The following RBM26 variants were observed in gnomAD, a reference collection of about 807,000 sequenced individuals.
RBM26 encodes RNA binding motif protein 26, also known as RNA-binding protein 26.
A neutral mutation model predicts 123.6 loss-of-function variants in RBM26; 30 were observed. That is an observed-to-expected ratio of 0.24 (90% CI 0.18 to 0.33). RBM26 has a LOEUF of 0.33. Ranked by LOEUF, RBM26 falls within the 10% of genes least tolerant of loss-of-function variation. The pLI is 1.00. For synonymous variants in RBM26, 400 were observed against 404.4 expected (o/e 0.99, Z 0.13); for missense variants, 947 against 1,203.6 (o/e 0.79, Z 3.15).
chr13:79,355,289 G>C lies in RBM26; in HGVS notation c.1785C>G (p.Asn595Lys). Residue 595 changes from asparagine (N) to lysine (K), a missense_variant, in exon 12 of 22, where the codon AAC becomes AAG. By Grantham distance (94) the Asn-to-Lys change is moderately conservative. Around this residue, in one of 5 missense-constraint regions of RBM26, gnomAD observed 493 missense variants for 563.1 expected, o/e 0.88. Transcript: ENST00000438737. Reference sequence around the variant, plus strand: ...GCCAATAAACCTTAATAAAGCGATTGTTTAATACTGCTTCCGTACTTGATA... The same window carrying C: ...GCCAATAAACCTTAATAAAGCGATTCTTTAATACTGCTTCCGTACTTGATA... ...KAISSTEAVL[N>K]NRFIKVYWHR... The C allele has an allele frequency of 6.2e-7, 1 of 1,613,930 alleles. No individual in the cohort carries two copies. Among genetic ancestry groups the C allele is most frequent in the Non-Finnish European group, 8.5e-7 (1 of 1,179,830 alleles).
intron 6 of RBM26, among the ~76,000 whole-genome samples, chr13:79,367,990 G>A (rs2075492496): frequency 6.6e-6 from 1 of 151,142 alleles, no homozygotes; most frequent in African/African-American, 2.4e-5. Context: ...AATCTTTTAC[G>A]GTAAATCCTT....
At chr13:79,358,769 A>G (rs1427484182) in intron 10 of RBM26, among the ~76,000 whole-genome samples, 1 of 152,208 alleles carries the variant, frequency 6.6e-6, no homozygotes, top group Non-Finnish European at 1.5e-5. Context: ...CTGATTCTGT[A>G]AAAGTCAGCT....
chr13:79,371,551 G>A (rs550474632), intron 4 of RBM26, among the ~76,000 whole-genome samples: 38 of 151,814 alleles, frequency 2.5e-4, no homozygotes, highest in Admixed American at 2.2e-3. Context: ...CACACTAAAT[G>A]GAAACAGCAG....
intron 20 of RBM26, among the ~76,000 whole-genome samples, chr13:79,327,343 CAG>C (rs1339259914): frequency 9.4e-5 from 14 of 148,882 alleles, no homozygotes; most frequent in Non-Finnish European, 2.1e-4. Flanking sequence ...CTTAATGAAA[CAG>C]AGTCATTTGT....
intron 3 of RBM26, among the ~76,000 whole-genome samples, chr13:79,373,467 TG>T (rs2076286639): frequency 1.5e-5 from 1 of 66,598 alleles, no homozygotes. Context: ...ATATATAATA[TG>T]TATAAATATA....
At position 79,344,785 on chromosome 13, in the gene RBM26, T is replaced by C. The variant is rs753815756; in HGVS notation, c.2068A>G (p.Thr690Ala). ...SVSATEKVLS[T>A]STGLTKTVYN... is the part of the protein sequence containing the mutation. ...ACTGTTTTTGTTAGGCCAGTAGATG[T>C]AGACAACACCTACCAATACAAATTC... is the stretch of plus-strand genomic sequence containing the variant. Residue 690 changes from threonine (T) to alanine (A), a missense_variant, in exon 15 of 22, where the codon ACA (threonine) becomes GCA (alanine). Physicochemically the swap from Thr to Ala is moderately conservative, Grantham distance 58 (BLOSUM62 0). Transcript: ENST00000438737. The C allele has an allele frequency of 6.8e-6, 11 of 1,611,604 alleles. No homozygotes were observed. The highest frequency in any genetic ancestry group is 2.2e-5 in the East Asian group (1 of 44,790).
chr13:79,350,915 G>T (rs9318624), intron 14 of RBM26, among the ~76,000 whole-genome samples: 54,673 of 151,906 alleles, frequency 0.36, 11,562 homozygotes, highest in Middle Eastern at 0.51. Flanking sequence ...GACACTCACT[G>T]AAGATGAATA....
At chr13:79,383,376 A>G (rs1286577929) in intron 1 of RBM26, among the ~76,000 whole-genome samples, 1 of 152,226 alleles carries the variant, frequency 6.6e-6, no homozygotes, top group Non-Finnish European at 1.5e-5. Flanking sequence ...TACACTGTAG[A>G]TAAAATACAC....
At chr13:79,402,941 CA>C (rs1566619008) in intron 1 of RBM26, among the ~76,000 whole-genome samples, 1 of 152,094 alleles carries the variant, frequency 6.6e-6, no homozygotes, top group Non-Finnish European at 1.5e-5. Flanking sequence ...TTAACACATT[CA>C]AAATGTGGAG....
intron 18 of RBM26, among the ~76,000 whole-genome samples, chr13:79,337,788 C>T (rs549710289): frequency 8.6e-6 from 1 of 116,190 alleles, no homozygotes; most frequent in African/African-American, 3.5e-5. Flanking sequence ...TGATGTAACA[C>T]ACTGATATTC....
chr13:79,364,089 G>C (rs2075006045), intron 9 of RBM26, among the ~76,000 whole-genome samples: 1 of 151,796 alleles, frequency 6.6e-6, no homozygotes, highest in African/African-American at 2.4e-5. Flanking sequence ...CAATTACAAG[G>C]AATCCATATA....
At chr13:79,333,970 T>C (rs758383955) in intron 20 of RBM26, among the ~76,000 whole-genome samples, 25 of 152,132 alleles carry the variant, frequency 1.6e-4, no homozygotes, top group Admixed American at 1.6e-3. Context: ...GAACTGCTTG[T>C]ACCTTATCCC....
chr13:79,357,868 A>G (rs1392359912), intron 11 of RBM26, among the ~76,000 whole-genome samples: 1 of 144,228 alleles, frequency 6.9e-6, no homozygotes, highest in African/African-American at 2.6e-5. Context: ...AATTTTCCCA[A>G]TTCAGAATAA....
At chr13:79,323,977 T>C (rs2068018958) in intron 20 of RBM26, among the ~76,000 whole-genome samples, 1 of 151,602 alleles carries the variant, frequency 6.6e-6, no homozygotes, top group Non-Finnish European at 1.5e-5. Flanking sequence ...ACTATTGTTT[T>C]ATATTAGAAA....
At position 79,319,359 on chromosome 13, in the gene RBM26, C is replaced by T. The variant is rs1173999767; in HGVS notation, c.*1262G>A. 17 of 983,166 alleles carry T rather than the reference C, an allele frequency of 1.7e-5. No homozygotes were observed. Among genetic ancestry groups the T allele is most frequent in the Non-Finnish European group, 1.8e-5 (15 of 828,258 alleles). 60.9% of individuals were successfully genotyped at this position (983,166 alleles called of 1,614,324 possible). ...GAAAATATAAATATGTAATCTCCCA[C>T]CCCCATTCTACAAAGAATGCATTTA... On this transcript the variant is annotated 3_prime_UTR_variant, in exon 22 of 22. Coordinates refer to ENST00000438737, the MANE Select transcript of RBM26 (RefSeq NM_001366735.2).
At chr13:79,366,295 A>G in intron 7 of RBM26, 100 bp from the exon 8 acceptor site, 1 of 1,242,398 alleles carries the variant, frequency 8.0e-7, no homozygotes. Context: ...AAACTATAAT[A>G]TCTACAAACA....
At position 79,334,382 on chromosome 13, in the gene RBM26, C is replaced by T; in HGVS notation, c.2782G>A (p.Ala928Thr). 6.4e-7 allele frequency: 1 copy of T among 1,570,132 alleles called. No homozygotes were observed. Among genetic ancestry groups the T allele is most frequent in the Non-Finnish European group, 8.6e-7 (1 of 1,159,146 alleles). Residue 928 changes from alanine (A) to threonine (T), a missense_variant, in exon 20 of 22, where the codon GCA (alanine) becomes ACA (threonine). Around this residue, in one of 5 missense-constraint regions of RBM26, gnomAD observed 164 missense variants for 215.3 expected, o/e 0.76. Transcript: ENST00000438737. The part of the protein sequence containing the change: ...DCQIDDSSLH[A>T]VITFKTRAEA... Reference sequence around the variant, plus strand: ...GCTCTTGTCTTGAATGTAATTACTGCATGAAGTGAGGAATCATCAATCTGA... The same window carrying T: ...GCTCTTGTCTTGAATGTAATTACTGTATGAAGTGAGGAATCATCAATCTGA...
chr13:79,386,662 T>G (rs1235559510), intron 1 of RBM26, among the ~76,000 whole-genome samples: 1 of 150,668 alleles, frequency 6.6e-6, no homozygotes, highest in Non-Finnish European at 1.5e-5. Flanking sequence ...TTTAGGGTTT[T>G]TTTTTTTTTA....
At chr13:79,375,062 T>TA (rs2076519881) in intron 3 of RBM26, among the ~76,000 whole-genome samples, 1 of 138,578 alleles carries the variant, frequency 7.2e-6, no homozygotes, top group Non-Finnish European at 1.5e-5. Flanking sequence ...TATTTATATT[T>TA]TTATATATTT....
Sources: gnomAD v4.1 joint callset for allele counts (sites outside exome capture counted in the v4.1 genomes callset) on GRCh38, gnomAD v4.1.1 for gene constraint, gnomAD v4.1.1 regional missense constraint, MANE v1.5 for transcripts, NCBI Gene and HGNC (gene_info 2026-07-23, HGNC 2026-07-21) for gene names.